MINDY4: variants seen among roughly 807,000 people sequenced by gnomAD.
MINDY4 encodes MINDY lysine 48 deubiquitinase 4.
A neutral mutation model predicts 87.0 loss-of-function variants in MINDY4; 68 were observed. The observed-to-expected ratio is 0.78, with a 90% CI of 0.64 to 0.96. The LOEUF (loss-of-function observed/expected upper bound fraction) is 0.96. Among genes scored for constraint, MINDY4 ranks in the 40% least tolerant of loss-of-function variants. The probability of loss-of-function intolerance (pLI) is 0.00; values close to 1 mark genes in which losing one functional copy is unlikely to be tolerated. For synonymous variants in MINDY4, 379 were observed against 363.2 expected (o/e 1.04, Z -0.50); for missense variants, 919 against 928.2 (o/e 0.99, Z 0.13).
At chr7:30,822,627 T>TTTTATTTATTTA (rs74376606) in intron 5 of MINDY4, among the ~76,000 whole-genome samples, 82 of 145,726 alleles carry the variant, frequency 5.6e-4, no homozygotes, top group African/African-American at 1.6e-3. Flanking sequence ...TGCCTGTCTA[T>TTTTATTTATTTA]TTTATTTATT....
intron 9 of MINDY4, among the ~76,000 whole-genome samples, 162 bp from the exon 10 acceptor site, chr7:30,850,292 T>A (rs1789369714): frequency 6.6e-6 from 1 of 152,236 alleles, no homozygotes; most frequent in Non-Finnish European, 1.5e-5. Context: ...CCCTCTTTCC[T>A]GGGCTTTGCC....
chr7:30,821,026 A>G (rs1225774748), intron 5 of MINDY4, among the ~76,000 whole-genome samples: 2 of 152,310 alleles, frequency 1.3e-5, no homozygotes, highest in African/African-American at 4.8e-5. Flanking sequence ...GTTACTTCTA[A>G]AATTTTAATC....
chr7:30,789,167 C>T (rs537444451), intron 4 of MINDY4, among the ~76,000 whole-genome samples: 4 of 36,618 alleles, frequency 1.1e-4, no homozygotes, highest in Non-Finnish European at 1.7e-4. Flanking sequence ...CTCTGAGGAC[C>T]GGTGAACCAG....
At chr7:30,852,603 C>T (rs1341852869) in intron 11 of MINDY4, among the ~76,000 whole-genome samples, 1 of 126,148 alleles carries the variant, frequency 7.9e-6, no homozygotes, top group African/African-American at 3.2e-5. Context: ...GCATCTGCTC[C>T]AGGATTGTTG....
At chr7:30,878,777 TC>T (rs1479678834) in intron 15 of MINDY4, among the ~76,000 whole-genome samples, 1 of 151,880 alleles carries the variant, frequency 6.6e-6, no homozygotes. Flanking sequence ...TCCATCCTCC[TC>T]CCATCCTCCC....
intron 15 of MINDY4, among the ~76,000 whole-genome samples, chr7:30,878,989 A>G (rs1388755177): frequency 2.6e-5 from 4 of 152,226 alleles, no homozygotes; most frequent in Admixed American, 2.0e-4. Flanking sequence ...CCCCCTTTCC[A>G]ATCCTGTCCC....
intron 3 of MINDY4, 74 bp from the exon 4 acceptor site, chr7:30,785,675 A>G: frequency 6.4e-7 from 1 of 1,553,624 alleles, no homozygotes; most frequent in East Asian, 2.3e-5. Context: ...TGCACATTGA[A>G]TGTGGAATTT....
intron 12 of MINDY4, chr7:30,858,077 C>G (rs893093308): frequency 6.6e-6 from 1 of 151,610 alleles, no homozygotes; most frequent in East Asian, 1.9e-4. Context: ...TGTGATTACA[C>G]ATAAGGAACA....
At chr7:30,774,528 C>T (rs12701027) in intron 1 of MINDY4, among the ~76,000 whole-genome samples, 46,393 of 151,402 alleles carry the variant, frequency 0.31, 7,681 homozygotes, top group Non-Finnish European at 0.37. Context: ...TCTATAGAAA[C>T]CCCATAAAGG....
chr7:30,858,508 A>G (rs1344642455), intron 12 of MINDY4: 1 of 152,142 alleles, frequency 6.6e-6, no homozygotes, highest in Non-Finnish European at 1.5e-5. Flanking sequence ...TCCAAACCAG[A>G]GTTGGGAGGA....
chr7:30,813,588 C>T (rs754269021), intron 5 of MINDY4, among the ~76,000 whole-genome samples: 10 of 152,190 alleles, frequency 6.6e-5, no homozygotes, highest in East Asian at 1.9e-4. Context: ...ATGGGACCCA[C>T]GGTTTGCTAC....
chr7:30,848,387 C>T (rs866615182), intron 9 of MINDY4, among the ~76,000 whole-genome samples: 2 of 152,214 alleles, frequency 1.3e-5, no homozygotes, highest in East Asian at 1.9e-4. Flanking sequence ...CTGGCCTGGG[C>T]CACACAGCAG....
chr7:30,819,073 C>G (rs907836650), intron 5 of MINDY4, among the ~76,000 whole-genome samples: 1 of 152,038 alleles, frequency 6.6e-6, no homozygotes. Context: ...TTTCATCTTG[C>G]ATTTATTTTT....
intron 14 of MINDY4, 21 bp from the exon 15 acceptor site, chr7:30,875,474 T>A (rs777442988): frequency 6.2e-7 from 1 of 1,613,794 alleles, no homozygotes; most frequent in Non-Finnish European, 8.5e-7. Context: ...GATGAGTCTT[T>A]CCCCTTTCTC....
At chr7:30,816,150 A>G (rs1379610422) in intron 5 of MINDY4, among the ~76,000 whole-genome samples, 1 of 151,612 alleles carries the variant, frequency 6.6e-6, no homozygotes, top group Non-Finnish European at 1.5e-5. Flanking sequence ...CAGCTTCCAG[A>G]GGGAGCATCC....
At chr7:30,874,203 G>A (rs553881897) in intron 14 of MINDY4, among the ~76,000 whole-genome samples, 58 of 152,352 alleles carry the variant, frequency 3.8e-4, no homozygotes, top group Admixed American at 9.8e-4. Flanking sequence ...GAGACAGAGA[G>A]ACCTGCCTGC....
At chr7:30,809,376 G>GAA (rs57725704) in intron 5 of MINDY4, among the ~76,000 whole-genome samples, 3 of 86,774 alleles carry the variant, frequency 3.5e-5, no homozygotes, top group African/African-American at 4.3e-5. Flanking sequence ...GTATCCTAAG[G>GAA]AAAAAAAAAA....
At chr7:30,794,118 C>G (rs1210295545) in intron 5 of MINDY4, among the ~76,000 whole-genome samples, 8 of 152,132 alleles carry the variant, frequency 5.3e-5, no homozygotes, top group African/African-American at 1.9e-4. Flanking sequence ...ACATACTACA[C>G]AACTCTACAC....
chr7:30,871,588 G>A (rs1247529798), intron 13 of MINDY4, among the ~76,000 whole-genome samples: 1 of 152,216 alleles, frequency 6.6e-6, no homozygotes, highest in Non-Finnish European at 1.5e-5. Flanking sequence ...CTTCAGCAAA[G>A]TAGGTTTTCA....
Sources: gnomAD v4.1 joint callset for allele counts (sites outside exome capture counted in the v4.1 genomes callset) on GRCh38, gnomAD v4.1.1 for gene constraint, MANE v1.5 for transcripts, NCBI Gene and HGNC (gene_info 2026-07-23, HGNC 2026-07-21) for gene names.